The following PHACTR3 variants were observed in gnomAD, a reference collection of about 807,000 sequenced individuals.
The protein encoded by PHACTR3 is phosphatase and actin regulator 3, also known as protein phosphatase 1, regulatory subunit 123.
Under a neutral mutation model 66.8 loss-of-function variants are expected in PHACTR3, and 16 were observed. The ratio of observed to expected loss-of-function variants is 0.24; its 90% confidence interval spans 0.16 to 0.36. The LOEUF is 0.36. Among genes scored for constraint, PHACTR3 ranks in the 10% least tolerant of loss-of-function variants. The pLI, the probability that PHACTR3 is intolerant of heterozygous loss-of-function variation, is 1.00. For missense variants in PHACTR3, 647 were observed against 719.9 expected, an observed-to-expected ratio of 0.90 and a Z score of 1.16; for synonymous variants, 323 against 292.1, an observed-to-expected ratio of 1.11 and a Z score of -1.08.
chr20:59,623,994 G>T (rs1262697844), intron 1 of PHACTR3, among the ~76,000 whole-genome samples: 1 of 152,008 alleles, frequency 6.6e-6, no homozygotes, highest in African/African-American at 2.4e-5. Context: ...GGTTTCCCAA[G>T]AGAGGAAATG....
chr20:59,680,034 C>G (rs2036585696), intron 1 of PHACTR3, among the ~76,000 whole-genome samples: 1 of 152,004 alleles, frequency 6.6e-6, no homozygotes, highest in East Asian at 1.9e-4. Flanking sequence ...CTTTCCCTTC[C>G]ATTCTCTTTC....
intron 1 of PHACTR3, among the ~76,000 whole-genome samples, chr20:59,677,426 T>C (rs558872448): frequency 6.6e-6 from 1 of 152,254 alleles, no homozygotes; most frequent in Admixed American, 6.5e-5. Flanking sequence ...GGACTTTTGG[T>C]TCTGAAAAAT....
chr20:59,796,660 C>G (rs761630324), intron 7 of PHACTR3, among the ~76,000 whole-genome samples: 2 of 152,134 alleles, frequency 1.3e-5, no homozygotes, highest in Admixed American at 6.5e-5. Flanking sequence ...TTTTCCCCCT[C>G]TCTTATCATC....
At chr20:59,586,726 A>T (rs1162056490) in intron 1 of PHACTR3, among the ~76,000 whole-genome samples, 1 of 152,170 alleles carries the variant, frequency 6.6e-6, no homozygotes, top group African/African-American at 2.4e-5. Flanking sequence ...CAGTCACTGG[A>T]CAGTGATAGT....
At position 59,598,837 on chromosome 20, in the gene PHACTR3, C is replaced by T. The variant is rs534541077; in HGVS notation, c.109+21220C>T. 3.9e-5 allele frequency among the ~76,000 whole-genome samples: 6 copies of T among 152,296 alleles called. No individual in the cohort carries two copies. In the East Asian group the frequency reaches 5.8e-4, roughly 15 times the overall value. ...TTTTCCAGGTGACCAGCAGAGGGCGCGGCTGCCCACCTGACGAACCTGGCC... is the reference window on the plus strand; with the variant it reads ...TTTTCCAGGTGACCAGCAGAGGGCGTGGCTGCCCACCTGACGAACCTGGCC... On this transcript the variant is annotated intron_variant, in intron 1 of 12. Transcript: ENST00000359926.
At chr20:59,770,372 A>G (rs1228962442) in intron 5 of PHACTR3, among the ~76,000 whole-genome samples, 6 of 152,224 alleles carry the variant, frequency 3.9e-5, no homozygotes, top group Non-Finnish European at 7.3e-5. Flanking sequence ...TCCTTTGGGA[A>G]AAGGTTCATG....
chr20:59,832,515 C>T (rs138424870), intron 8 of PHACTR3, among the ~76,000 whole-genome samples: 30 of 152,264 alleles, frequency 2.0e-4, no homozygotes, highest in Middle Eastern at 6.8e-3. Flanking sequence ...TGGGCAGGTC[C>T]GTATCTCTTG....
chr20:59,635,159 T>G, intron 1 of PHACTR3, among the ~76,000 whole-genome samples: 1 of 66,604 alleles, frequency 1.5e-5, no homozygotes, highest in Non-Finnish European at 2.9e-5. Context: ...TTTTCTTTCT[T>G]TCTTTCTTTC....
At position 59,830,990 on chromosome 20, in the gene PHACTR3, G is replaced by A. The variant is rs1380742154; in HGVS notation, c.1329-5515G>A. On this transcript the variant is annotated intron_variant, in intron 8 of 12. Transcript: ENST00000371015. The surrounding 1 kb of genome is among the most constrained non-coding windows in gnomAD (Gnocchi z 5.8). ...CGTCCTGACTGTCCAGGCTGTCGGCGGTCTCATCAGCTCCACCTCTAGGCC... is the reference window on the plus strand; with the variant it reads ...CGTCCTGACTGTCCAGGCTGTCGGCAGTCTCATCAGCTCCACCTCTAGGCC... Among the ~76,000 whole-genome samples the A allele has an allele frequency of 3.9e-5, 6 of 152,108 alleles. No individual in the cohort carries two copies. The highest frequency in any genetic ancestry group is 1.9e-4 in the East Asian group (1 of 5,178).
At chr20:59,660,544 A>G (rs1392236639) in intron 1 of PHACTR3, among the ~76,000 whole-genome samples, 1 of 152,224 alleles carries the variant, frequency 6.6e-6, no homozygotes, top group East Asian at 1.9e-4. Flanking sequence ...GCTTCTTCAC[A>G]TTCTAATCTG....
At chr20:59,608,603 C>G (rs1412986794) in intron 1 of PHACTR3, among the ~76,000 whole-genome samples, 1 of 152,182 alleles carries the variant, frequency 6.6e-6, no homozygotes, top group Non-Finnish European at 1.5e-5. Flanking sequence ...TTGTCGGGTC[C>G]CAGGCTGCCT....
intron 8 of PHACTR3, among the ~76,000 whole-genome samples, chr20:59,812,669 C>G (rs1378263726): frequency 1.3e-5 from 2 of 152,218 alleles, no homozygotes; most frequent in African/African-American, 2.4e-5. Context: ...GAGCTTTTAC[C>G]TGAAACTGCA....
At chr20:59,763,906 C>A (rs1393486457) in intron 4 of PHACTR3, among the ~76,000 whole-genome samples, 2 of 152,048 alleles carry the variant, frequency 1.3e-5, no homozygotes, top group East Asian at 1.9e-4. Context: ...GGGGGCCAGG[C>A]CTTGCTGGGT....
intron 9 of PHACTR3, among the ~76,000 whole-genome samples, chr20:59,838,319 C>T (rs1367927558): frequency 6.6e-6 from 1 of 152,180 alleles, no homozygotes; most frequent in Non-Finnish European, 1.5e-5. Context: ...ACTTCAAGCA[C>T]TCATACTGTA....
intron 8 of PHACTR3, among the ~76,000 whole-genome samples, chr20:59,831,035 T>C (rs1223614907): frequency 6.6e-6 from 1 of 152,084 alleles, no homozygotes; most frequent in African/African-American, 2.4e-5. Context: ...CCATTGTTTG[T>C]CCCCTGCTCC....
At chr20:59,704,326 G>T (rs532390446) in intron 1 of PHACTR3, among the ~76,000 whole-genome samples, 1 of 152,112 alleles carries the variant, frequency 6.6e-6, no homozygotes, top group Admixed American at 6.6e-5. Flanking sequence ...TTGAAAAATT[G>T]TTAGGTCAAA....
chr20:59,743,543 C>T (rs988482599), intron 2 of PHACTR3, among the ~76,000 whole-genome samples: 5 of 152,210 alleles, frequency 3.3e-5, no homozygotes, highest in Non-Finnish European at 7.3e-5. Context: ...CCACTGGGAC[C>T]TTGTTAAAAA....
At chr20:59,687,088 GTGA>G (rs767997458) in intron 1 of PHACTR3, among the ~76,000 whole-genome samples, 3 of 151,174 alleles carry the variant, frequency 2.0e-5, no homozygotes, top group African/African-American at 4.9e-5. Flanking sequence ...CATGGTGATT[GTGA>G]TGATGGTGGT....
intron 9 of PHACTR3, among the ~76,000 whole-genome samples, chr20:59,838,101 G>A (rs530011622): frequency 1.9e-4 from 29 of 152,136 alleles, no homozygotes; most frequent in Non-Finnish European, 4.0e-4. Context: ...TGGCAATCCC[G>A]CCATAAACAC....
Sources: allele counts gnomAD v4.1 joint callset (sites outside exome capture counted in the v4.1 genomes callset), GRCh38; gene constraint gnomAD v4.1.1; non-coding constraint Gnocchi (gnomAD v3.1); transcripts MANE v1.5; gene names NCBI Gene and HGNC (gene_info 2026-07-23, HGNC 2026-07-21).